The following ALDH9A1 variants were observed in gnomAD, a reference collection of about 807,000 sequenced individuals.
The protein encoded by ALDH9A1 is aldehyde dehydrogenase 9 family member A1, also known as 4-trimethylaminobutyraldehyde dehydrogenase.
ALDH9A1 carries 42 observed loss-of-function variants against 56.6 expected under a neutral mutation model. That is an observed-to-expected ratio of 0.74 (90% CI 0.58 to 0.96). The LOEUF (loss-of-function observed/expected upper bound fraction) is 0.96. ALDH9A1 is among the 40% of genes least tolerant of loss of function. The probability of loss-of-function intolerance (pLI) is 0.00; values close to 1 mark genes in which losing one functional copy is unlikely to be tolerated. For missense variants in ALDH9A1, 661 were observed against 651.5 expected (o/e 1.01, Z -0.16); for synonymous variants, 242 against 236.0 (o/e 1.03, Z -0.23).
intron 2 of ALDH9A1, among the ~76,000 whole-genome samples, chr1:165,690,706 T>C (rs1649860250): frequency 6.6e-6 from 1 of 152,162 alleles, no homozygotes; most frequent in Admixed American, 6.5e-5. Context: ...CACCAGGAGA[T>C]TATATCCTGC....
chr1:165,698,327 C>G, intron 1 of ALDH9A1, 51 bp downstream of exon 1: 3 of 1,547,156 alleles, frequency 1.9e-6, no homozygotes, highest in Non-Finnish European at 2.6e-6. Flanking sequence ...GCCGGGAAAT[C>G]CGCGCATCCG....
intron 2 of ALDH9A1, among the ~76,000 whole-genome samples, chr1:165,693,401 A>G (rs1334430102): frequency 2.6e-5 from 4 of 152,174 alleles, no homozygotes; most frequent in African/African-American, 9.7e-5. Flanking sequence ...ACAAGTGGGC[A>G]AAGGATATGA....
chr1:165,670,842 C>T (rs989300454), intron 6 of ALDH9A1, among the ~76,000 whole-genome samples: 2 of 152,298 alleles, frequency 1.3e-5, no homozygotes, highest in African/African-American at 4.8e-5. Flanking sequence ...GAGGCTGAGG[C>T]AGGTGGATCA....
chr1:165,694,943 A>T (rs1464381752), intron 2 of ALDH9A1, among the ~76,000 whole-genome samples: 1 of 149,672 alleles, frequency 6.7e-6, no homozygotes, highest in Non-Finnish European at 1.5e-5. Flanking sequence ...GCGACAGAGC[A>T]AGATTCCGTC....
chr1:165,674,055 T>C (rs1649265196), intron 6 of ALDH9A1, among the ~76,000 whole-genome samples: 1 of 152,094 alleles, frequency 6.6e-6, no homozygotes, highest in Non-Finnish European at 1.5e-5. Flanking sequence ...TGGTCGTCAT[T>C]GCTGCTCATT....
At position 165,669,242 on chromosome 1, in the gene ALDH9A1, T is replaced by C; in HGVS notation, c.1119+20A>G. On this transcript the variant is annotated intron_variant, in intron 7 of 10. Coordinates refer to ENST00000354775, the MANE Select transcript of ALDH9A1 (RefSeq NM_000696.4). The stretch of plus-strand genomic sequence containing the variant: ...AGTATAATCTTCCCCAACCCCACCC[T>C]ACTGCCAATTATTTCTTACCTGCTC... 2 of 1,585,340 alleles carry C rather than the reference T, an allele frequency of 1.3e-6. No homozygotes were observed. Among genetic ancestry groups the C allele is most frequent in the Non-Finnish European group, 1.7e-6 (2 of 1,166,622 alleles).
chr1:165,675,160 A>T (rs1649310941), intron 6 of ALDH9A1, among the ~76,000 whole-genome samples: 1 of 152,084 alleles, frequency 6.6e-6, no homozygotes, highest in Non-Finnish European at 1.5e-5. Flanking sequence ...GTGTCACTGC[A>T]CTCCAACTTG....
intron 3 of ALDH9A1, 120 bp from the exon 4 acceptor site, chr1:165,682,361 C>T: frequency 3.8e-6 from 4 of 1,043,838 alleles, no homozygotes; most frequent in Non-Finnish European, 5.5e-6. Flanking sequence ...TCCCAATACA[C>T]CAGGCTCACC....
chr1:165,683,750 C>T (rs2101749770), intron 2 of ALDH9A1, among the ~76,000 whole-genome samples: 1 of 152,228 alleles, frequency 6.6e-6, no homozygotes, highest in African/African-American at 2.4e-5. Context: ...GTTTCTAGTT[C>T]TGGGCTCCAC....
chr1:165,681,138 T>C (rs1010369350), intron 4 of ALDH9A1, among the ~76,000 whole-genome samples: 2 of 152,196 alleles, frequency 1.3e-5, no homozygotes, highest in African/African-American at 4.8e-5. Context: ...GGTGATACAA[T>C]TCAAGTTGAG....
rs182495748 is a variant in ALDH9A1 at position 165,692,730 on chromosome 1, G to C, written c.327+2522C>G. 6.9e-3 allele frequency among the ~76,000 whole-genome samples: 1,041 copies of C among 150,398 alleles called. 12 individuals carry two copies. Among genetic ancestry groups the C allele is most frequent in the African/African-American group, 0.023 (941 of 41,184 alleles). On this transcript the variant is annotated intron_variant, in intron 2 of 10. Transcript: ENST00000354775. ...AAAAAACTATTTTAAAGTTCATATG[G>C]AACCAAAAAAGAGCCTGCATTGCCA...
chr1:165,671,860 A>C (rs528808748), intron 6 of ALDH9A1: 1 of 190,398 alleles, frequency 5.3e-6, no homozygotes, highest in South Asian at 8.5e-5. Context: ...CAATATCACT[A>C]ATAATCAGGG....
At chr1:165,673,824 A>C (rs1649257330) in intron 6 of ALDH9A1, among the ~76,000 whole-genome samples, 1 of 152,160 alleles carries the variant, frequency 6.6e-6, no homozygotes, top group African/African-American at 2.4e-5. Flanking sequence ...GGGAAATGTC[A>C]CAGGTGTTTG....
chr1:165,667,216 A>G (rs1345476409), intron 9 of ALDH9A1, 93 bp downstream of exon 9: 1 of 1,513,196 alleles, frequency 6.6e-7, no homozygotes, highest in African/African-American at 1.4e-5. Flanking sequence ...TATGAGGGCA[A>G]ACTAAAGTGA....
chr1:165,676,630 A>G, intron 6 of ALDH9A1: 1 of 341,772 alleles, frequency 2.9e-6, no homozygotes. Context: ...GAAATGCATG[A>G]AAGAAGATGA....
chr1:165,683,547 C>G (rs973373791), intron 2 of ALDH9A1, among the ~76,000 whole-genome samples: 1 of 152,054 alleles, frequency 6.6e-6, no homozygotes, highest in African/African-American at 2.4e-5. Flanking sequence ...CGTACATGTA[C>G]GTAAATATGT....
intron 6 of ALDH9A1, among the ~76,000 whole-genome samples, chr1:165,677,013 TTA>T (rs1357130228): frequency 6.6e-6 from 1 of 152,174 alleles, no homozygotes; most frequent in Admixed American, 6.5e-5. Flanking sequence ...CAATCAGATA[TTA>T]TTTATGAAAT....
At chr1:165,697,954 G>A (rs1207667796) in intron 1 of ALDH9A1, among the ~76,000 whole-genome samples, 1 of 152,140 alleles carries the variant, frequency 6.6e-6, no homozygotes, top group Non-Finnish European at 1.5e-5. Flanking sequence ...ACTTGAGCCC[G>A]TAAGGTAGAG....
In ALDH9A1 at chr1:165,670,441, A is replaced by T. The variant is rs571209248; in HGVS notation, c.931-991T>A. Among the ~76,000 whole-genome samples, 121 of 151,054 alleles carry T rather than the reference A, an allele frequency of 8.0e-4. 2 individuals carry two copies. Among genetic ancestry groups the T allele is most frequent in the Middle Eastern group, 3.4e-3 (1 of 294 alleles). ...GAGAGAGCGAGACTTTTTTTTTTTT[A>T]AAAAAAGAGACAATACTGGTAATTC... On this transcript the variant is annotated intron_variant, in intron 6 of 10. Transcript: ENST00000354775.
Sources: allele counts gnomAD v4.1 joint callset (sites outside exome capture counted in the v4.1 genomes callset), GRCh38; gene constraint gnomAD v4.1.1; transcripts MANE v1.5; gene names NCBI Gene and HGNC (gene_info 2026-07-23, HGNC 2026-07-21).